The following LRRC69 variants were observed in gnomAD, a reference collection of about 807,000 sequenced individuals.
LRRC69 encodes leucine rich repeat containing 69, also known as leucine-rich repeat-containing protein 69.
In LRRC69, 42 loss-of-function variants were observed where a neutral mutation model predicts 37.8. The observed-to-expected ratio is 1.11, with a 90% CI of 0.87 to 1.44. The LOEUF (loss-of-function observed/expected upper bound fraction) is 1.44, where lower values mean the gene tolerates loss of function less well. LRRC69 is among the 40% of genes most tolerant of loss of function. The pLI is 0.00. For synonymous variants in LRRC69, 141 were observed against 143.1 expected, an observed-to-expected ratio of 0.99 and a Z score of 0.11; for missense variants, 357 against 401.9, an observed-to-expected ratio of 0.89 and a Z score of 0.96.
intron 3 of LRRC69, among the ~76,000 whole-genome samples, chr8:91,132,028 G>A (rs924120850): frequency 5.3e-5 from 8 of 151,544 alleles, no homozygotes; most frequent in African/African-American, 1.9e-4. Context: ...TACTATGTAC[G>A]GAGAGATCTG....
intron 6 of LRRC69, among the ~76,000 whole-genome samples, chr8:91,198,764 A>G (rs1276388403): frequency 6.6e-6 from 1 of 152,154 alleles, no homozygotes; most frequent in Admixed American, 6.5e-5. Context: ...GAATTAGACC[A>G]TCATTAAATT....
At chr8:91,132,635 C>A (rs1006172610) in intron 3 of LRRC69, among the ~76,000 whole-genome samples, 3 of 151,922 alleles carry the variant, frequency 2.0e-5, no homozygotes, top group African/African-American at 7.2e-5. Context: ...CCAGGGCATC[C>A]AAAAGGGCAG....
At chr8:91,169,847 A>T (rs1376968380) in intron 5 of LRRC69, among the ~76,000 whole-genome samples, 1 of 136,926 alleles carries the variant, frequency 7.3e-6, no homozygotes. Context: ...TACAAAGGAC[A>T]TGAACTCATC....
chr8:91,126,450 G>C (rs1383863195), intron 2 of LRRC69, among the ~76,000 whole-genome samples: 1 of 151,974 alleles, frequency 6.6e-6, no homozygotes, highest in Non-Finnish European at 1.5e-5. Flanking sequence ...AAGAAGTCTG[G>C]ATCTCTGGCT....
At chr8:91,210,935 A>T (rs1368870181) in intron 7 of LRRC69, among the ~76,000 whole-genome samples, 1 of 152,148 alleles carries the variant, frequency 6.6e-6, no homozygotes, top group African/African-American at 2.4e-5. Flanking sequence ...CCATACATAG[A>T]CACATTTTGG....
At chr8:91,205,290 G>T (rs141995825) in intron 7 of LRRC69, among the ~76,000 whole-genome samples, 2 of 152,186 alleles carry the variant, frequency 1.3e-5, no homozygotes, top group East Asian at 3.9e-4. Flanking sequence ...CCACGCTTAG[G>T]ACATGGAGGC....
intron 5 of LRRC69, among the ~76,000 whole-genome samples, chr8:91,182,364 A>G (rs535367467): frequency 6.6e-6 from 1 of 152,248 alleles, no homozygotes; most frequent in South Asian, 2.1e-4. Flanking sequence ...TTTTGAATAA[A>G]TTTTAAGGGG....
intron 5 of LRRC69, among the ~76,000 whole-genome samples, chr8:91,136,025 G>C (rs1184630448): frequency 2.0e-5 from 3 of 151,786 alleles, no homozygotes; most frequent in East Asian, 3.9e-4. Flanking sequence ...ACTGCTTTTG[G>C]TCACCTCTGG....
chr8:91,124,565 A>C, exon 2 of LRRC69: 1 of 1,540,004 alleles, frequency 6.5e-7, no homozygotes, highest in Non-Finnish European at 8.8e-7. Flanking sequence ...TACATCTCTG[A>C]AGAATCTCCA....
chr8:91,103,869 A>C (rs1293849009), intron 1 of LRRC69, among the ~76,000 whole-genome samples: 2 of 151,950 alleles, frequency 1.3e-5, no homozygotes, highest in Non-Finnish European at 2.9e-5. Flanking sequence ...GACTTGACTG[A>C]GTCATGAACC....
At chr8:91,104,126 C>T (rs1429006896) in intron 1 of LRRC69, among the ~76,000 whole-genome samples, 1 of 151,680 alleles carries the variant, frequency 6.6e-6, no homozygotes, top group African/African-American at 2.4e-5. Flanking sequence ...TGTATTGATC[C>T]ACATCTGGAA....
chr8:91,182,654 G>C (rs1809343730), intron 5 of LRRC69, among the ~76,000 whole-genome samples: 1 of 152,142 alleles, frequency 6.6e-6, no homozygotes, highest in African/African-American at 2.4e-5. Context: ...CAGCTAGTAA[G>C]TATGGAGCTG....
rs891405044 is a variant in LRRC69, at chr8:91,133,260, T to G, written c.534T>G (p.Leu178=). ...AAGAGATTAAATTCTTGAAGAAGCT[T>G]CAGAAGCTTTTGCTAGCCAGAAACA... The change falls in exon 4 of 8, where the codon CTT becomes CTG. Residue 178 remains leucine, a synonymous_variant. Transcript: ENST00000448384. The G allele has an allele frequency of 6.6e-6, 10 of 1,521,698 alleles. No individual in the cohort carries two copies. The East Asian group carries it at 2.5e-4, about 38-fold the overall frequency. The allele number at this position is 1,521,698 out of a possible 1,614,324, so 94.3% of individuals were successfully genotyped here.
intron 1 of LRRC69, among the ~76,000 whole-genome samples, chr8:91,105,412 A>G (rs1813293585): frequency 6.6e-6 from 1 of 151,942 alleles, no homozygotes; most frequent in South Asian, 2.1e-4. Flanking sequence ...GGCCCGGTGC[A>G]GTGGCTCACA....
intron 6 of LRRC69, among the ~76,000 whole-genome samples, chr8:91,198,122 T>C (rs1809650020): frequency 6.6e-6 from 1 of 152,140 alleles, no homozygotes; most frequent in Admixed American, 6.5e-5. Context: ...TTTTAGAAAC[T>C]TTACCTCACC....
intron 7 of LRRC69, among the ~76,000 whole-genome samples, chr8:91,211,840 C>T (rs933202039): frequency 1.3e-5 from 2 of 151,752 alleles, no homozygotes; most frequent in Non-Finnish European, 2.9e-5. Flanking sequence ...GAGGGAGACA[C>T]TGGATGATAA....
intron 5 of LRRC69, among the ~76,000 whole-genome samples, chr8:91,186,293 G>T (rs1057098901): frequency 2.0e-5 from 3 of 152,186 alleles, no homozygotes; most frequent in Non-Finnish European, 2.9e-5. Context: ...AACAATGATT[G>T]TCTCAGAGTA....
chr8:91,208,733 T>C (rs926131084), intron 7 of LRRC69, among the ~76,000 whole-genome samples: 10 of 152,198 alleles, frequency 6.6e-5, no homozygotes, highest in African/African-American at 2.4e-4. Context: ...TTAAGTAGTG[T>C]CATGGTATTA....
intron 5 of LRRC69, chr8:91,158,563 T>C (rs1054826986): frequency 5.5e-5 from 68 of 1,226,774 alleles, no homozygotes; most frequent in African/African-American, 3.0e-5. Flanking sequence ...GGCCATAGCT[T>C]CTAATACAAG....
Sources: gnomAD v4.1 joint callset for allele counts (sites outside exome capture counted in the v4.1 genomes callset) on GRCh38, gnomAD v4.1.1 for gene constraint, MANE v1.5 for transcripts, NCBI Gene and HGNC (gene_info 2026-07-23, HGNC 2026-07-21) for gene names.